ASIC2: variants seen among roughly 807,000 people sequenced by gnomAD.
ASIC2 encodes the protein acid sensing ion channel subunit 2.
Under a neutral mutation model 57.3 loss-of-function variants are expected in ASIC2, and 25 were observed. The observed-to-expected ratio is 0.44, with a 90% CI of 0.32 to 0.61. The LOEUF is 0.61. Ranked by LOEUF, ASIC2 falls within the 20% of genes least tolerant of loss-of-function variation. The pLI is 0.06. For synonymous variants in ASIC2, 319 were observed against 307.5 expected (o/e 1.04, Z -0.39); for missense variants, 641 against 738.1 (o/e 0.87, Z 1.52).
At chr17:33,014,338 A>G (rs2091794668) in intron 9 of ASIC2, among the ~76,000 whole-genome samples, 1 of 152,034 alleles carries the variant, frequency 6.6e-6, no homozygotes, top group South Asian at 2.1e-4. Context: ...CCCCTCATGT[A>G]ACTGGACCTA....
chr17:33,638,795 G>A (rs1018257111), intron 1 of ASIC2, among the ~76,000 whole-genome samples: 2 of 151,946 alleles, frequency 1.3e-5, no homozygotes, highest in Admixed American at 6.6e-5. Context: ...TCCCTGAACA[G>A]AATAAGCCAA....
At chr17:34,127,148 T>A (rs1329988435) in intron 1 of ASIC2, among the ~76,000 whole-genome samples, 1 of 152,014 alleles carries the variant, frequency 6.6e-6, no homozygotes, top group African/African-American at 2.4e-5. Flanking sequence ...TAAGAGGGGG[T>A]TTGTTTTTCG....
At chr17:34,022,564 C>T (rs932771984) in intron 1 of ASIC2, among the ~76,000 whole-genome samples, 6 of 150,838 alleles carry the variant, frequency 4.0e-5, no homozygotes, top group African/African-American at 1.5e-4. Flanking sequence ...ATGCTAGACA[C>T]TTCAACTGTG....
intron 1 of ASIC2, among the ~76,000 whole-genome samples, chr17:34,032,696 A>T (rs1907670707): frequency 1.3e-5 from 2 of 152,216 alleles, no homozygotes; most frequent in Admixed American, 1.3e-4. Flanking sequence ...AAACAAAAAA[A>T]GGCAGGGATT....
intron 1 of ASIC2, among the ~76,000 whole-genome samples, chr17:33,561,074 A>C (rs1285636196): frequency 6.6e-6 from 1 of 152,176 alleles, no homozygotes. Context: ...TAATGAATGC[A>C]GTGTTACAGA....
intron 1 of ASIC2, among the ~76,000 whole-genome samples, chr17:33,329,398 A>T (rs1334059591): frequency 6.6e-6 from 1 of 152,194 alleles, no homozygotes. Flanking sequence ...TGTTGGGTTA[A>T]TGAGGATAGC....
intron 1 of ASIC2, among the ~76,000 whole-genome samples, chr17:33,446,070 G>C (rs569683321): frequency 6.6e-6 from 1 of 151,928 alleles, no homozygotes; most frequent in Non-Finnish European, 1.5e-5. Flanking sequence ...CTGGAAGATG[G>C]AGTAGGAGAC....
At chr17:33,429,612 G>T (rs140597931) in intron 1 of ASIC2, among the ~76,000 whole-genome samples, 1,698 of 152,092 alleles carry the variant, frequency 0.011, 13 homozygotes, top group Non-Finnish European at 0.017. Flanking sequence ...GGATGGTCTC[G>T]ATCTCCTGAC....
intron 1 of ASIC2, among the ~76,000 whole-genome samples, chr17:33,745,199 A>T (rs1034351015): frequency 6.6e-6 from 1 of 152,328 alleles, no homozygotes; most frequent in Non-Finnish European, 1.5e-5. Flanking sequence ...TGAAAGGGCC[A>T]GCAGGCTGAA....
Position 33,293,049 on chromosome 17 carries a change from G to A in ASIC2, c.-934C>T, listed in dbSNP as rs2142185116. On this transcript the variant is annotated 5_prime_UTR_variant, in exon 1 of 10. Transcript: ENST00000225823. Reference sequence around the variant, plus strand: ...CTCGCGTCTTCTCTCTGCCCCCGCGGCGACAAGAGCTGGGGACTGCGGGGA... The same window carrying A: ...CTCGCGTCTTCTCTCTGCCCCCGCGACGACAAGAGCTGGGGACTGCGGGGA... 1.0e-5 allele frequency: 10 copies of A among 985,456 alleles called. No individual in the cohort carries two copies. Among genetic ancestry groups the A allele is most frequent in the South Asian group, 9.4e-5 (2 of 21,288 alleles). The allele number at this position is 985,456 out of a possible 1,614,324, so 61.0% of individuals were successfully genotyped here.
At chr17:33,650,504 T>C (rs1468906903) in intron 1 of ASIC2, among the ~76,000 whole-genome samples, 1 of 152,184 alleles carries the variant, frequency 6.6e-6, no homozygotes, top group Non-Finnish European at 1.5e-5. Flanking sequence ...TGAAGACTTA[T>C]GTTCACACAA....
At chr17:33,028,685 C>G (rs551018477) in intron 3 of ASIC2, among the ~76,000 whole-genome samples, 12 of 152,100 alleles carry the variant, frequency 7.9e-5, no homozygotes, top group Admixed American at 5.9e-4. Context: ...CAAGCCCCAC[C>G]CTAACTTATC....
chr17:33,340,014 A>G (rs1907665548), intron 1 of ASIC2, among the ~76,000 whole-genome samples: 1 of 152,206 alleles, frequency 6.6e-6, no homozygotes, highest in Admixed American at 6.5e-5. Context: ...TCAGAGTTGC[A>G]TTCTAAGTGG....
At chr17:33,741,524 C>T (rs1348199996) in intron 1 of ASIC2, among the ~76,000 whole-genome samples, 1 of 152,214 alleles carries the variant, frequency 6.6e-6, no homozygotes, top group Non-Finnish European at 1.5e-5. Flanking sequence ...CAAAACTCAA[C>T]ACCCTGGAGA....
chr17:33,415,644 A>G (rs1315104619), intron 1 of ASIC2, among the ~76,000 whole-genome samples: 3 of 152,100 alleles, frequency 2.0e-5, no homozygotes, highest in African/African-American at 7.2e-5. Context: ...GCCTCATATT[A>G]CACACTGGAG....
intron 1 of ASIC2, among the ~76,000 whole-genome samples, chr17:33,811,150 A>G (rs1255749409): frequency 6.6e-6 from 1 of 152,202 alleles, no homozygotes; most frequent in East Asian, 1.9e-4. Context: ...CTGCAGGTCA[A>G]TTGGAAAAGC....
intron 1 of ASIC2, among the ~76,000 whole-genome samples, chr17:33,224,957 G>A (rs1907826026): frequency 6.6e-6 from 1 of 152,186 alleles, no homozygotes; most frequent in African/African-American, 2.4e-5. Flanking sequence ...GCCAGACTGA[G>A]TGCCCAGTCC....
chr17:33,436,966 T>C lies in ASIC2; in HGVS notation c.556-324899A>G, dbSNP rs1016104580. On this transcript the variant is annotated intron_variant, in intron 1 of 9. Transcript: ENST00000359872. ...CTGCAAGCTCCGCCTCCCAGGTTCA[T>C]GCCATTCTCCTGCCTCAGCCTCCCG... is the stretch of plus-strand genomic sequence containing the variant. Among the ~76,000 whole-genome samples the C allele has an allele frequency of 7.7e-5, 11 of 143,542 alleles. No homozygotes were observed. In the Middle Eastern group the frequency reaches 0.012, roughly 152 times the overall value. The allele number at this position is 143,542 out of a possible 152,430, so 94.2% of individuals were successfully genotyped here. A position where few individuals can be genotyped will look rare whatever the true frequency, so the allele number is the denominator to read the frequency against.
At chr17:33,117,219 C>T (rs181074065) in intron 1 of ASIC2, among the ~76,000 whole-genome samples, 1 of 152,010 alleles carries the variant, frequency 6.6e-6, no homozygotes, top group African/African-American at 2.4e-5. Context: ...GTCACCCAGG[C>T]TGGAGTTCAG....
Sources: gnomAD v4.1 joint callset for allele counts (sites outside exome capture counted in the v4.1 genomes callset) on GRCh38, gnomAD v4.1.1 for gene constraint, MANE v1.5 for transcripts, NCBI Gene and HGNC (gene_info 2026-07-23, HGNC 2026-07-21) for gene names.